Variants in ANK2 observed in about 807,000 individuals in gnomAD.
ANK2 encodes the protein ankyrin 2, also known as ankyrin-2.
Under a neutral mutation model 360.5 loss-of-function variants are expected in ANK2, and 83 were observed. That is an observed-to-expected ratio of 0.23 (90% CI 0.19 to 0.28). The LOEUF (loss-of-function observed/expected upper bound fraction) is 0.28, where lower values mean the gene tolerates loss of function less well. Among genes scored for constraint, ANK2 ranks in the 10% least tolerant of loss-of-function variants. ANK2 has a pLI of 1.00. For synonymous variants in ANK2, 1,740 were observed against 1,759.5 expected (o/e 0.99, Z 0.28); for missense variants, 4,201 against 4,795.7 (o/e 0.88, Z 3.66).
At chr4:113,284,574 CA>C (rs1196557693) in intron 18 of ANK2, among the ~76,000 whole-genome samples, 1 of 152,148 alleles carries the variant, frequency 6.6e-6, no homozygotes, top group Non-Finnish European at 1.5e-5. Context: ...AGCGTTTTAT[CA>C]GTTAGCAAAC....
At chr4:113,293,173 A>G (rs2068762079) in intron 21 of ANK2, 4 of 585,046 alleles carry the variant, frequency 6.8e-6, no homozygotes, top group Non-Finnish European at 1.3e-5. Context: ...AAGATATTTG[A>G]CAACCTTAGG....
chr4:113,120,422 C>T (rs1416098509), intron 1 of ANK2, among the ~76,000 whole-genome samples: 2 of 151,954 alleles, frequency 1.3e-5, no homozygotes, highest in African/African-American at 2.4e-5. Context: ...GATTTATCAG[C>T]GTTTTCACAA....
intron 1 of ANK2, among the ~76,000 whole-genome samples, chr4:112,902,613 C>T (rs1373708490): frequency 6.6e-6 from 1 of 152,098 alleles, no homozygotes; most frequent in African/African-American, 2.4e-5. Flanking sequence ...AAATGTTGTC[C>T]TTTCTGAATT....
the ANK2 span, among the ~76,000 whole-genome samples, chr4:112,731,137 C>T: frequency 2.0e-5 from 3 of 146,618 alleles, no homozygotes; most frequent in Admixed American, 6.7e-5. Flanking sequence ...AAGACTCTGT[C>T]TAAAAAAAAA....
At chr4:113,087,635 C>T (rs955141942) in intron 1 of ANK2, among the ~76,000 whole-genome samples, 1 of 151,968 alleles carries the variant, frequency 6.6e-6, no homozygotes, top group Non-Finnish European at 1.5e-5. Context: ...TTCAATGACA[C>T]TTTAATTTTT....
In ANK2 at chr4:113,355,820, G is replaced by A. The variant is rs1206278894; in HGVS notation, c.7202G>A (p.Gly2401Glu). ...ACAGGAACTGAATCAAAACCTCAGG[G>A]AGTCATTAGAAGTCCCCAAGGGTTA... Reference protein sequence around the residue: ...TDTGTESKPQGVIRSPQGLEL... With the variant: ...TDTGTESKPQEVIRSPQGLEL... The change falls in exon 38 of 46, where the codon GGA (glycine) becomes GAA (glutamate). Residue 2401 changes from glycine (G) to glutamate (E), a missense_variant. Around this residue, in one of 4 missense-constraint regions of ANK2, gnomAD observed 2,642 missense variants for 2,714.5 expected, o/e 0.97. Coordinates refer to ENST00000357077, the MANE Select transcript of ANK2 (RefSeq NM_001148.6). 1.2e-6 allele frequency: 2 copies of A among 1,614,072 alleles called. No homozygotes were observed. The highest frequency in any genetic ancestry group is 1.3e-5 in the African/African-American group (1 of 75,028).
At chr4:112,978,323 C>T (rs956103578) in intron 2 of ANK2, among the ~76,000 whole-genome samples, 12 of 152,126 alleles carry the variant, frequency 7.9e-5, no homozygotes, top group South Asian at 2.1e-4. Flanking sequence ...TAATTTTGTT[C>T]CACTTTTTTG....
intron 1 of ANK2, among the ~76,000 whole-genome samples, chr4:113,076,153 T>C (rs556333016): frequency 3.9e-5 from 6 of 152,340 alleles, no homozygotes; most frequent in Admixed American, 3.9e-4. Context: ...GAAGAATAAA[T>C]GTCTTGGGCT....
At chr4:113,128,761 T>G (rs953534528) in intron 1 of ANK2, among the ~76,000 whole-genome samples, 1 of 152,136 alleles carries the variant, frequency 6.6e-6, no homozygotes, top group Non-Finnish European at 1.5e-5. Context: ...AGTGCTGGGA[T>G]TACAGGCGTG....
At chr4:112,705,968 G>T in the ANK2 span, among the ~76,000 whole-genome samples, 24 of 151,326 alleles carry the variant, frequency 1.6e-4, no homozygotes, top group Middle Eastern at 6.8e-3. Flanking sequence ...TCGGCTGGGC[G>T]AGCAGAGGGC....
At chr4:113,379,689 AATTTAAG>A (rs1178181934) in intron 45 of ANK2, among the ~76,000 whole-genome samples, 1 of 152,224 alleles carries the variant, frequency 6.6e-6, no homozygotes, top group Non-Finnish European at 1.5e-5. Flanking sequence ...AGCAAGAACA[AATTTAAG>A]TTTGCTTCCA....
intron 2 of ANK2, among the ~76,000 whole-genome samples, chr4:112,949,942 T>C (rs887477691): frequency 1.3e-5 from 2 of 152,008 alleles, no homozygotes; most frequent in Non-Finnish European, 2.9e-5. Context: ...ATGAGAAAAA[T>C]GAAGGAATTT....
At chr4:112,734,552 A>G in the ANK2 span, among the ~76,000 whole-genome samples, 4 of 152,210 alleles carry the variant, frequency 2.6e-5, no homozygotes, top group African/African-American at 9.6e-5. Flanking sequence ...GTTGCCTGCT[A>G]TCAAGTAGCT....
intron 22 of ANK2, among the ~76,000 whole-genome samples, chr4:113,295,574 G>A (rs1411474193): frequency 3.3e-5 from 5 of 152,102 alleles, no homozygotes; most frequent in Non-Finnish European, 7.4e-5. Context: ...CCCTCTGTGA[G>A]CTTTTTTTCT....
rs1206048289 is a variant in ANK2, at chr4:112,954,777, G to A, written c.21+50263G>A. On this transcript the variant is annotated intron_variant, in intron 2 of 30. Coordinates refer to the ANK2 transcript ENST00000503271. Reference sequence around the variant, plus strand: ...TATCTGGTAGTCTCTCCATTTTGTAGTAATCATCATACAGTATTATAAATG... The same window carrying A: ...TATCTGGTAGTCTCTCCATTTTGTAATAATCATCATACAGTATTATAAATG... Among the ~76,000 whole-genome samples the A allele has an allele frequency of 2.0e-5, 3 of 152,086 alleles. No homozygotes were observed. In the East Asian group the frequency reaches 5.8e-4, roughly 29 times the overall value.
chr4:113,048,246 GTGTA>G (rs796656280), upstream of ANK2, among the ~76,000 whole-genome samples: 3,006 of 54,520 alleles, frequency 0.055, 219 homozygotes, highest in East Asian at 0.18. Context: ...ATCTACAAGT[GTGTA>G]TATATATATA....
chr4:112,930,271 C>T (rs1176221541), intron 2 of ANK2, among the ~76,000 whole-genome samples: 4 of 151,442 alleles, frequency 2.6e-5, no homozygotes, highest in Admixed American at 2.6e-4. Context: ...ATGGTGAGAC[C>T]CAGTCTCTAA....
Position 113,070,762 on chromosome 4 carries a change from G to A in ANK2, c.84+20950G>A, listed in dbSNP as rs182674992. ...TTGTGTGACTTCCCTGATTTCACTCGTGGCTGCCATTAAATGCACTGTGTC... is the reference window on the plus strand; with the variant it reads ...TTGTGTGACTTCCCTGATTTCACTCATGGCTGCCATTAAATGCACTGTGTC... On this transcript the variant is annotated intron_variant, in intron 1 of 45. Coordinates refer to ENST00000357077, the MANE Select transcript of ANK2 (RefSeq NM_001148.6). Among the ~76,000 whole-genome samples the A allele has an allele frequency of 1.8e-3, 272 of 151,920 alleles. 1 individual carries two copies. Among genetic ancestry groups the A allele is most frequent in the Non-Finnish European group, 2.4e-3 (164 of 67,984 alleles).
intron 45 of ANK2, chr4:113,374,746 G>A (rs1589367094): frequency 9.5e-7 from 1 of 1,057,582 alleles, no homozygotes. Flanking sequence ...TGTCTATTGT[G>A]TGTCCTTCGA....
Sources: allele counts gnomAD v4.1 joint callset (sites outside exome capture counted in the v4.1 genomes callset), GRCh38; gene constraint gnomAD v4.1.1; regional missense constraint gnomAD v4.1.1; transcripts MANE v1.5; gene names NCBI Gene and HGNC (gene_info 2026-07-23, HGNC 2026-07-21).